Variants in EYS observed in about 807,000 individuals in gnomAD.
The protein encoded by EYS is protein eyes shut homolog.
In EYS, 250 loss-of-function variants were observed where a neutral mutation model predicts 282.1. The ratio of observed to expected loss-of-function variants is 0.89; its 90% CI spans 0.80 to 0.98. The LOEUF is 0.98. EYS is among the 50% of genes least tolerant of loss of function. The pLI, the probability that EYS is intolerant of heterozygous loss-of-function variation, is 0.00. For missense variants in EYS, 4,016 were observed against 3,709.0 expected, an observed-to-expected ratio of 1.08 and a Z score of -2.15; for synonymous variants, 1,355 against 1,282.9, an observed-to-expected ratio of 1.06 and a Z score of -1.20.
chr6:65,611,676 G>A (rs1766007540), intron 2 of EYS, among the ~76,000 whole-genome samples: 1 of 152,036 alleles, frequency 6.6e-6, no homozygotes, highest in Non-Finnish European at 1.5e-5. Flanking sequence ...TGGCATTTGC[G>A]ATTTATCGCA....
chr6:65,437,916 T>C (rs893083010), intron 5 of EYS, among the ~76,000 whole-genome samples: 4 of 152,142 alleles, frequency 2.6e-5, no homozygotes, highest in South Asian at 2.1e-4. Context: ...TGCAGGTTTG[T>C]TACATATGTA....
chr6:65,565,647 A>G (rs1225254240), intron 2 of EYS, among the ~76,000 whole-genome samples: 1 of 152,146 alleles, frequency 6.6e-6, no homozygotes, highest in Admixed American at 6.5e-5. Context: ...ACACATACAC[A>G]TGTATGTTTA....
intron 22 of EYS, among the ~76,000 whole-genome samples, chr6:64,650,784 T>A (rs1267725739): frequency 6.6e-6 from 1 of 152,102 alleles, no homozygotes; most frequent in Non-Finnish European, 1.5e-5. Context: ...TTTTCACATC[T>A]ACCTACAAAC....
intron 41 of EYS, among the ~76,000 whole-genome samples, chr6:63,731,684 T>C (rs935533853): frequency 2.6e-5 from 4 of 152,194 alleles, no homozygotes. Flanking sequence ...CTTTAACTTA[T>C]GTGGCTCATA....
chr6:64,726,272 G>T (rs560555372), intron 22 of EYS, among the ~76,000 whole-genome samples: 1 of 152,184 alleles, frequency 6.6e-6, no homozygotes, highest in East Asian at 1.9e-4. Flanking sequence ...TGTGATGAAT[G>T]TCTTTTAACA....
At chr6:65,505,176 A>T (rs964273643) in intron 2 of EYS, among the ~76,000 whole-genome samples, 3 of 151,866 alleles carry the variant, frequency 2.0e-5, no homozygotes, top group African/African-American at 7.2e-5. Context: ...CAACATTTTC[A>T]AATATTGAGA....
chr6:65,414,307 A>T (rs1482953928), intron 5 of EYS, among the ~76,000 whole-genome samples: 4 of 152,158 alleles, frequency 2.6e-5, no homozygotes, highest in Non-Finnish European at 5.9e-5. Context: ...TTCTATGGAA[A>T]GATTATGGAG....
intron 26 of EYS, among the ~76,000 whole-genome samples, chr6:64,450,714 C>G (rs560123552): frequency 2.6e-5 from 4 of 152,162 alleles, no homozygotes; most frequent in Middle Eastern, 3.4e-3. Flanking sequence ...CACTCAAAAC[C>G]ACTCAACTAC....
At chr6:63,914,224 G>T (rs1581970434) in intron 35 of EYS, among the ~76,000 whole-genome samples, 1 of 152,154 alleles carries the variant, frequency 6.6e-6, no homozygotes, top group Non-Finnish European at 1.5e-5. Flanking sequence ...TTAAGTAAAA[G>T]AAAGAGTCTC....
chr6:64,211,311 T>G (rs1765758154), intron 31 of EYS, among the ~76,000 whole-genome samples: 1 of 152,198 alleles, frequency 6.6e-6, no homozygotes, highest in Non-Finnish European at 1.5e-5. Context: ...AAATGGAGAC[T>G]TTAGGTAATC....
intron 26 of EYS, among the ~76,000 whole-genome samples, chr6:64,471,988 T>G (rs112467989): frequency 6.7e-6 from 1 of 149,144 alleles, no homozygotes; most frequent in Non-Finnish European, 1.5e-5. Context: ...ACAAAAAAAA[T>G]TTGAGGTGAT....
chr6:64,584,981 T>C (rs1382692792), intron 26 of EYS, among the ~76,000 whole-genome samples: 2 of 152,120 alleles, frequency 1.3e-5, no homozygotes, highest in African/African-American at 2.4e-5. Flanking sequence ...ACTGGATATA[T>C]ACTCAAAATA....
In EYS at chr6:63,726,629, G is replaced by T; in HGVS notation, c.8123C>A (p.Ser2708Tyr). 6.4e-7 allele frequency: 1 copy of T among 1,551,228 alleles called. No homozygotes were observed. The highest frequency in any genetic ancestry group is 8.7e-7 in the Non-Finnish European group (1 of 1,146,696). The change falls in exon 42 of 43, where the codon TCT becomes TAT. Residue 2708 changes from serine (S) to tyrosine (Y), a missense_variant. Transcript: ENST00000503581. ...SFRSNELSWM[S>Y]FASFHVRKKT... is the part of the protein sequence containing the mutation. Reference sequence around the variant, plus strand: ...TTTTCGAACATGAAAGGAAGCAAAAGACATCCAGGATAACTCATTGCTTCT... The same window carrying T: ...TTTTCGAACATGAAAGGAAGCAAAATACATCCAGGATAACTCATTGCTTCT...
intron 9 of EYS, among the ~76,000 whole-genome samples, chr6:65,349,863 C>A (rs184329373): frequency 2.2e-4 from 33 of 151,478 alleles, no homozygotes; most frequent in African/African-American, 7.2e-4. Flanking sequence ...TGTATGCATG[C>A]GCCTATACTA....
At chr6:64,836,967 G>A (rs979092) in intron 19 of EYS, among the ~76,000 whole-genome samples, 84,315 of 151,384 alleles carry the variant, frequency 0.56, 24,199 homozygotes, top group Non-Finnish European at 0.62. Context: ...AAGTTTGACA[G>A]TTATTATAAA....
intron 33 of EYS, among the ~76,000 whole-genome samples, chr6:64,030,908 C>T (rs920467657): frequency 2.6e-5 from 4 of 152,224 alleles, no homozygotes; most frequent in Non-Finnish European, 4.4e-5. Flanking sequence ...GCCCCTTCAT[C>T]GTCCCTATCC....
chr6:64,006,151 A>C (rs747975427), intron 33 of EYS, among the ~76,000 whole-genome samples: 5 of 151,924 alleles, frequency 3.3e-5, no homozygotes, highest in African/African-American at 1.2e-4. Context: ...TCCTTTCAGC[A>C]GTGTTTGTAA....
intron 11 of EYS, chr6:65,330,242 T>A: frequency 3.1e-6 from 3 of 952,606 alleles, no homozygotes; most frequent in Non-Finnish European, 3.7e-6. Context: ...TTGAAAAATA[T>A]CTTCCAGTTA....
At chr6:64,881,464 A>C (rs2150060135) in intron 19 of EYS, among the ~76,000 whole-genome samples, 1 of 152,016 alleles carries the variant, frequency 6.6e-6, no homozygotes, top group Non-Finnish European at 1.5e-5. Context: ...AGGTAATCTT[A>C]TCTGGATGAA....
Sources: gnomAD v4.1 joint callset for allele counts (sites outside exome capture counted in the v4.1 genomes callset) on GRCh38, gnomAD v4.1.1 for gene constraint, MANE v1.5 for transcripts, NCBI Gene and HGNC (gene_info 2026-07-23, HGNC 2026-07-21) for gene names.